The following MAP2 variants were observed in gnomAD, a reference collection of about 807,000 sequenced individuals.
MAP2 encodes the protein microtubule-associated protein 2.
MAP2 carries 14 observed loss-of-function variants against 137.6 expected under a neutral mutation model. That is an observed-to-expected ratio of 0.10 (90% CI 0.07 to 0.16). The LOEUF (loss-of-function observed/expected upper bound fraction) is 0.16, where lower values mean the gene tolerates loss of function less well. Among genes scored for constraint, MAP2 ranks in the 10% least tolerant of loss-of-function variants. MAP2 has a pLI of 1.00. For missense variants in MAP2, 2,088 were observed against 2,191.5 expected, an observed-to-expected ratio of 0.95 and a Z score of 0.94; for synonymous variants, 786 against 782.3, an observed-to-expected ratio of 1.00 and a Z score of -0.08.
At chr2:209,521,583 G>A (rs1362670021) in intron 2 of MAP2, among the ~76,000 whole-genome samples, 1 of 151,798 alleles carries the variant, frequency 6.6e-6, no homozygotes, top group Non-Finnish European at 1.5e-5. Context: ...TTTTTAGGTT[G>A]TTAGGACTGA....
chr2:209,489,623 A>G (rs560397516), intron 1 of MAP2, among the ~76,000 whole-genome samples: 6 of 152,340 alleles, frequency 3.9e-5, no homozygotes, highest in African/African-American at 1.4e-4. Flanking sequence ...TGAAAAACAC[A>G]GCACGAGAAC....
chr2:209,728,496 C>T (rs543771118), intron 14 of MAP2, among the ~76,000 whole-genome samples: 16 of 152,246 alleles, frequency 1.1e-4, no homozygotes, highest in African/African-American at 2.9e-4. Flanking sequence ...AAAAGAAGAA[C>T]GAATGGATGT....
chr2:209,444,199 AT>A (rs1312228601), intron 1 of MAP2, among the ~76,000 whole-genome samples: 1 of 151,578 alleles, frequency 6.6e-6, no homozygotes, highest in East Asian at 1.9e-4. Context: ...TAAGACATCT[AT>A]CTCAAGTTAA....
intron 3 of MAP2, among the ~76,000 whole-genome samples, chr2:209,606,864 G>A (rs2084942235): frequency 6.6e-6 from 1 of 152,122 alleles, no homozygotes; most frequent in African/African-American, 2.4e-5. Context: ...GGTGGTAAAT[G>A]TTTGATATCT....
At chr2:209,532,527 ACAGCTGGC>A (rs760951652) in intron 2 of MAP2, among the ~76,000 whole-genome samples, 22 of 152,208 alleles carry the variant, frequency 1.4e-4, no homozygotes, top group Admixed American at 4.6e-4. Flanking sequence ...CTCATAGCTT[ACAGCTGGC>A]TGGGACTGGA....
At chr2:209,574,432 T>TACACACACACAC (rs57166815) in intron 2 of MAP2, among the ~76,000 whole-genome samples, 21 of 148,790 alleles carry the variant, frequency 1.4e-4, no homozygotes, top group African/African-American at 3.7e-4. Flanking sequence ...ATAGTATAGA[T>TACACACACACAC]ACACACACAC....
At chr2:209,447,858 T>G (rs893206046) in intron 1 of MAP2, among the ~76,000 whole-genome samples, 4 of 152,088 alleles carry the variant, frequency 2.6e-5, no homozygotes, top group Non-Finnish European at 5.9e-5. Flanking sequence ...CAAAGTTCAG[T>G]AGAGGGCTCA....
chr2:209,695,407 C>T lies in MAP2; in HGVS notation c.3237C>T (p.Thr1079=). Residue 1079 remains threonine, a synonymous_variant, in exon 8 of 16, where the codon ACC becomes ACT. Coordinates refer to ENST00000682079, the MANE Select transcript of MAP2 (RefSeq NM_001375505.1). ...ELKLEATQDM[T]PSSKAPQEAD... ...AACTTGAGGCTACACAGGACATGAC[C>T]CCCTCATCCAAAGCACCGCAGGAGG... The T allele has an allele frequency of 1.9e-6, 3 of 1,612,832 alleles. No individual in the cohort carries two copies. In the South Asian group the frequency reaches 3.3e-5, roughly 18 times the overall value.
intron 2 of MAP2, among the ~76,000 whole-genome samples, chr2:209,560,717 A>C (rs1029408703): frequency 6.6e-6 from 1 of 152,100 alleles, no homozygotes; most frequent in Admixed American, 6.6e-5. Flanking sequence ...CTTGTGGGCA[A>C]ATGGATTGTT....
At chr2:209,493,502 C>A (rs2059383299) in intron 1 of MAP2, among the ~76,000 whole-genome samples, 1 of 152,148 alleles carries the variant, frequency 6.6e-6, no homozygotes. Flanking sequence ...GAACAGGCAA[C>A]CTACAGAATG....
rs572574324 is a variant in MAP2 at position 209,434,893 on chromosome 2, A to G, written c.-222+10617A>G. On this transcript the variant is annotated intron_variant, in intron 1 of 15. Transcript: ENST00000682079. ...TATATGTTATATATATGTTATATATATGTTATATATATATGTTATATATAT... is the reference window on the plus strand; with the variant it reads ...TATATGTTATATATATGTTATATATGTGTTATATATATATGTTATATATAT... 8.8e-4 allele frequency among the ~76,000 whole-genome samples: 121 copies of G among 136,776 alleles called. 6 individuals carry two copies. In the East Asian group the frequency reaches 0.018, roughly 21 times the overall value. 89.7% of individuals were successfully genotyped at this position (136,776 alleles called of 152,430 possible).
At position 209,694,883 on chromosome 2, in the gene MAP2, C is replaced by G; in HGVS notation, c.2713C>G (p.Arg905Gly). 6.2e-7 allele frequency: 1 copy of G among 1,614,066 alleles called. No individual in the cohort carries two copies. The highest frequency in any genetic ancestry group is 8.5e-7 in the Non-Finnish European group (1 of 1,180,014). ...TFYEGTDDKVRRDLATDLSLI... is the reference protein window; with the variant it reads ...TFYEGTDDKVGRDLATDLSLI... ...TTACGAAGGCACTGATGATAAAGTTCGAAGAGATTTGGCCACAGACCTTTC... is the reference window on the plus strand; with the variant it reads ...TTACGAAGGCACTGATGATAAAGTTGGAAGAGATTTGGCCACAGACCTTTC... The change falls in exon 8 of 16, where the codon CGA becomes GGA. Residue 905 changes from arginine to glycine, a missense_variant. This residue lies in a region of MAP2 where 500 missense variants were observed against 482.9 expected (regional missense o/e 1.04). Transcript: ENST00000682079.
intron 11 of MAP2, among the ~76,000 whole-genome samples, chr2:209,703,688 GAA>G (rs1246826520): frequency 6.6e-6 from 1 of 152,058 alleles, no homozygotes; most frequent in African/African-American, 2.4e-5. Flanking sequence ...TTTTTAAAGA[GAA>G]AGAGAGACTT....
At chr2:209,479,742 G>A (rs759640302) in intron 1 of MAP2, among the ~76,000 whole-genome samples, 1 of 151,982 alleles carries the variant, frequency 6.6e-6, no homozygotes. Context: ...TTAGTCCTGT[G>A]TTTATTACCA....
chr2:209,535,042 G>C lies in MAP2; in HGVS notation c.-172+27401G>C, dbSNP rs575552489. 8.5e-5 allele frequency among the ~76,000 whole-genome samples: 13 copies of C among 152,146 alleles called. No individual in the cohort carries two copies. The South Asian group carries it at 2.7e-3, about 32-fold the overall frequency. ...CATTACTTCAGAAAGAAATCCCATA[G>C]TGTCCTCTGGCTACTACCTCCCCAC... On this transcript the variant is annotated intron_variant, in intron 2 of 15. Transcript: ENST00000682079.
intron 13 of MAP2, among the ~76,000 whole-genome samples, chr2:209,720,018 A>G (rs2069603159): frequency 6.6e-6 from 1 of 152,222 alleles, no homozygotes; most frequent in Non-Finnish European, 1.5e-5. Context: ...CTAGGGAGAG[A>G]TAATAACATA....
intron 1 of MAP2, among the ~76,000 whole-genome samples, chr2:209,484,457 C>T (rs368372879): frequency 9.5e-4 from 145 of 152,198 alleles, no homozygotes; most frequent in African/African-American, 3.3e-3. Context: ...TTTGGGAGGC[C>T]GAGGTGGGTC....
chr2:209,618,045 A>G (rs1193870208), intron 3 of MAP2, among the ~76,000 whole-genome samples: 2 of 152,186 alleles, frequency 1.3e-5, no homozygotes, highest in Non-Finnish European at 2.9e-5. Context: ...TTAATTAACT[A>G]TATATTGTAG....
At chr2:209,437,308 A>G (rs574685155) in intron 1 of MAP2, among the ~76,000 whole-genome samples, 8 of 151,688 alleles carry the variant, frequency 5.3e-5, no homozygotes, top group East Asian at 1.9e-4. Flanking sequence ...AGACCCAGGT[A>G]TTTTGTCTTA....
Sources: allele counts gnomAD v4.1 joint callset (sites outside exome capture counted in the v4.1 genomes callset), GRCh38; gene constraint gnomAD v4.1.1; regional missense constraint gnomAD v4.1.1; transcripts MANE v1.5; gene names NCBI Gene and HGNC (gene_info 2026-07-23, HGNC 2026-07-21).